MAST4: variants seen among roughly 807,000 people sequenced by gnomAD.
The protein encoded by MAST4 is microtubule associated serine/threonine kinase family member 4, also known as microtubule-associated serine/threonine-protein kinase 4.
Under a neutral mutation model 162.7 loss-of-function variants are expected in MAST4, and 89 were observed. That is an observed-to-expected ratio of 0.55 (90% CI 0.46 to 0.65). The LOEUF (loss-of-function observed/expected upper bound fraction) is 0.65. MAST4 is among the 30% of genes least tolerant of loss of function. MAST4 has a pLI of 0.00. For synonymous variants in MAST4, 1,479 were observed against 1,361.1 expected, an observed-to-expected ratio of 1.09 and a Z score of -1.91; for missense variants, 3,153 against 3,374.0, an observed-to-expected ratio of 0.93 and a Z score of 1.62.
chr5:67,092,595 G>A (rs929004487), intron 6 of MAST4, among the ~76,000 whole-genome samples: 2 of 152,046 alleles, frequency 1.3e-5, no homozygotes, highest in East Asian at 1.9e-4. Context: ...AAATACTCTC[G>A]TGCCTTTCCC....
chr5:67,123,629 T>G (rs1210783920), intron 14 of MAST4, among the ~76,000 whole-genome samples: 1 of 152,226 alleles, frequency 6.6e-6, no homozygotes, highest in Non-Finnish European at 1.5e-5. Flanking sequence ...TTAAAATGTT[T>G]AGCCATCCTA....
In MAST4 at chr5:66,702,670, A is replaced by G. The variant is rs74678570; in HGVS notation, c.364-57039A>G. The stretch of plus-strand genomic sequence containing the variant: ...TGAGGCAGGACTGTGTTTGAAGATA[A>G]AGAGGTGAGTGTGGCTGGAGCAGAA... On this transcript the variant is annotated intron_variant, in intron 1 of 28. Coordinates refer to ENST00000403625, the MANE Select transcript of MAST4 (RefSeq NM_001164664.2). Among the ~76,000 whole-genome samples, 994 of 152,198 alleles carry G rather than the reference A, an allele frequency of 6.5e-3. 6 individuals are homozygous for G. The highest frequency in any genetic ancestry group is 0.02 in the Middle Eastern group (6 of 294).
At chr5:66,878,717 C>G (rs747338092) in intron 3 of MAST4, among the ~76,000 whole-genome samples, 1 of 152,192 alleles carries the variant, frequency 6.6e-6, no homozygotes, top group African/African-American at 2.4e-5. Flanking sequence ...TGTCAGAGAA[C>G]TCTTTTGGCC....
intron 3 of MAST4, among the ~76,000 whole-genome samples, chr5:66,806,557 C>T (rs892000272): frequency 6.6e-6 from 1 of 152,188 alleles, no homozygotes; most frequent in African/African-American, 2.4e-5. Flanking sequence ...CTTAATTTAG[C>T]TTCCTCTCTC....
Position 66,759,744 on chromosome 5 carries a change from T to G in MAST4, c.399T>G (p.Phe133Leu). Residue 133 changes from phenylalanine to leucine, a missense_variant, in exon 2 of 29, where the codon TTT (phenylalanine) becomes TTG (leucine). Phe to Leu is a conservative substitution (Grantham distance 22). Around this residue, in one of 7 missense-constraint regions of MAST4, gnomAD observed 327 missense variants for 336.5 expected, o/e 0.97. Transcript: ENST00000403625. Reference protein sequence around the residue: ...DHILSPPPMPFRKCSNPDVAS... With the variant: ...DHILSPPPMPLRKCSNPDVAS... ...TATTATCCCCTCCACCCATGCCGTTTCGGAAATGCAGCAACCCAGATGTGG... is the reference window on the plus strand; with the variant it reads ...TATTATCCCCTCCACCCATGCCGTTGCGGAAATGCAGCAACCCAGATGTGG... 1.2e-6 allele frequency: 2 copies of G among 1,614,006 alleles called. No individual in the cohort carries two copies. The highest frequency in any genetic ancestry group is 2.2e-5 in the South Asian group (2 of 91,080).
chr5:66,874,039 T>G (rs182294899), intron 3 of MAST4, among the ~76,000 whole-genome samples: 199 of 152,254 alleles, frequency 1.3e-3, no homozygotes, highest in African/African-American at 4.5e-3. Flanking sequence ...GTACTTTGAG[T>G]ATAGAAAAAC....
intron 5 of MAST4, among the ~76,000 whole-genome samples, chr5:67,073,701 A>C (rs1376147454): frequency 6.6e-6 from 1 of 152,238 alleles, no homozygotes; most frequent in East Asian, 1.9e-4. Flanking sequence ...GAATGGATGA[A>C]GATATGTTGA....
chr5:66,870,717 C>T (rs568586510), intron 3 of MAST4: 30 of 466,176 alleles, frequency 6.4e-5, no homozygotes, highest in African/African-American at 5.4e-4. Flanking sequence ...CTCCATCATC[C>T]CACACCCCAC....
At chr5:66,599,348 G>A (rs1241769037) in intron 1 of MAST4, among the ~76,000 whole-genome samples, 1 of 152,158 alleles carries the variant, frequency 6.6e-6, no homozygotes, top group Non-Finnish European at 1.5e-5. Context: ...AGAGGATTCG[G>A]GAATGCTGGG....
At chr5:66,883,773 TCTTTCATGTGAA>T (rs1761863699) in intron 3 of MAST4, among the ~76,000 whole-genome samples, 1 of 152,208 alleles carries the variant, frequency 6.6e-6, no homozygotes. Context: ...TCTGGGTTTA[TCTTTCATGTGAA>T]CTGCAGGCCT....
At chr5:66,740,566 C>T (rs1752429236) in intron 1 of MAST4, among the ~76,000 whole-genome samples, 2 of 152,332 alleles carry the variant, frequency 1.3e-5, no homozygotes, top group Admixed American at 1.3e-4. Context: ...TCTTCTCTCC[C>T]ATCCATCAGT....
intron 4 of MAST4, among the ~76,000 whole-genome samples, chr5:66,929,707 A>G (rs1236070074): frequency 6.6e-6 from 1 of 152,200 alleles, no homozygotes; most frequent in Non-Finnish European, 1.5e-5. Flanking sequence ...AATTCAAGGG[A>G]TAGACAGCTG....
intron 1 of MAST4, among the ~76,000 whole-genome samples, chr5:66,742,122 T>C (rs1752507979): frequency 1.3e-5 from 2 of 152,208 alleles, no homozygotes; most frequent in South Asian, 2.1e-4. Flanking sequence ...CACGCCTTCA[T>C]TGCAGAGCTG....
At chr5:66,879,253 T>C (rs1761519090) in intron 3 of MAST4, among the ~76,000 whole-genome samples, 1 of 148,618 alleles carries the variant, frequency 6.7e-6, no homozygotes, top group Admixed American at 6.8e-5. Flanking sequence ...CACTCCAGCC[T>C]GGGTGACAGA....
chr5:67,006,465 A>C (rs1204727918), intron 4 of MAST4, among the ~76,000 whole-genome samples: 4 of 152,212 alleles, frequency 2.6e-5, no homozygotes, highest in Admixed American at 2.0e-4. Context: ...GCTACACATG[A>C]ACTAGGCCAC....
At chr5:66,914,615 G>A (rs1341314441) in intron 4 of MAST4, among the ~76,000 whole-genome samples, 1 of 152,154 alleles carries the variant, frequency 6.6e-6, no homozygotes, top group Non-Finnish European at 1.5e-5. Context: ...GGTCCAAAAT[G>A]TTGTGATGCA....
chr5:67,078,793 A>AATATATATATTTATTTATATTTATCTAT (rs1239167861), intron 5 of MAST4, among the ~76,000 whole-genome samples: 2 of 101,872 alleles, frequency 2.0e-5, no homozygotes, highest in South Asian at 2.7e-4. Context: ...TATTTATCTA[A>AATATATATATTTATTTATATTTATCTAT]ATATATTTAT....
rs901476371 is a variant in MAST4 at position 66,795,110 on chromosome 5, G to A, written c.642+6316G>A. ...TAGCTCAAAACCAAAAACCTGATCC[G>A]AAGTCTAATTAGTTAACTCTGAGAG... On this transcript the variant is annotated intron_variant, in intron 3 of 28. Transcript: ENST00000403625. 4.6e-5 allele frequency among the ~76,000 whole-genome samples: 7 copies of A among 152,212 alleles called. No individual in the cohort carries two copies. The East Asian group carries it at 5.8e-4, about 13-fold the overall frequency.
intron 4 of MAST4, among the ~76,000 whole-genome samples, chr5:66,999,884 T>C (rs1751088759): frequency 6.6e-6 from 1 of 152,220 alleles, no homozygotes; most frequent in African/African-American, 2.4e-5. Flanking sequence ...ACAAGTTAAT[T>C]GTTGTCTATC....
Sources: allele counts gnomAD v4.1 joint callset (sites outside exome capture counted in the v4.1 genomes callset), GRCh38; gene constraint gnomAD v4.1.1; regional missense constraint gnomAD v4.1.1; transcripts MANE v1.5; gene names NCBI Gene and HGNC (gene_info 2026-07-23, HGNC 2026-07-21).